Variants in NKAIN2 observed in about 807,000 individuals in gnomAD.
The protein encoded by NKAIN2 is sodium/potassium-transporting ATPase subunit beta-1-interacting protein 2.
A neutral mutation model predicts 32.6 loss-of-function variants in NKAIN2; 14 were observed. That is an observed-to-expected ratio of 0.43 (90% CI 0.28 to 0.67). The LOEUF is 0.67. NKAIN2 is among the 30% of genes least tolerant of loss of function. The pLI is 0.17. For missense variants in NKAIN2, 198 were observed against 258.3 expected, an observed-to-expected ratio of 0.77 and a Z score of 1.60; for synonymous variants, 80 against 87.2, an observed-to-expected ratio of 0.92 and a Z score of 0.46.
intron 1 of NKAIN2, among the ~76,000 whole-genome samples, chr6:123,982,297 G>A (rs139963543): frequency 5.3e-5 from 8 of 152,224 alleles, no homozygotes; most frequent in African/African-American, 1.4e-4. Context: ...TACTATAATA[G>A]ACTTAACACA....
intron 1 of NKAIN2, among the ~76,000 whole-genome samples, chr6:123,981,398 C>G (rs12190776): frequency 0.24 from 36,906 of 152,032 alleles, 4,837 homozygotes; most frequent in Non-Finnish European, 0.3. Context: ...ACCTTTCAGA[C>G]GAGGAAAAAC....
chr6:124,331,566 G>A lies in NKAIN2; in HGVS notation c.193-23701G>A, dbSNP rs1387628505. On this transcript the variant is annotated intron_variant, in intron 2 of 6. Transcript: ENST00000368417. ...AAAAAAAAAATCATTTCCCTGTGAA[G>A]ATGACACTATTAAAGTACCAATAAT... Among the ~76,000 whole-genome samples, 3 of 148,882 alleles carry A rather than the reference G, an allele frequency of 2.0e-5. No individual in the cohort carries two copies. The East Asian group carries it at 5.9e-4, about 29-fold the overall frequency.
chr6:124,350,118 T>C (rs889631478), intron 2 of NKAIN2, among the ~76,000 whole-genome samples: 2 of 152,216 alleles, frequency 1.3e-5, no homozygotes, highest in African/African-American at 4.8e-5. Flanking sequence ...CTAGCAATTG[T>C]GATACTTTAT....
chr6:123,980,175 C>A (rs1303003666), intron 1 of NKAIN2, among the ~76,000 whole-genome samples: 24 of 152,134 alleles, frequency 1.6e-4, no homozygotes, highest in Non-Finnish European at 1.0e-4. Flanking sequence ...ATTCTTCTTG[C>A]TAATAATGAC....
chr6:124,647,461 T>C (rs1279259119), intron 3 of NKAIN2, among the ~76,000 whole-genome samples: 1 of 122,426 alleles, frequency 8.2e-6, no homozygotes, highest in Non-Finnish European at 1.6e-5. Context: ...ATTGTGCCAC[T>C]GCACTCCAGC....
intron 1 of NKAIN2, among the ~76,000 whole-genome samples, chr6:124,112,048 A>G: frequency 6.6e-6 from 1 of 152,258 alleles, no homozygotes; most frequent in East Asian, 1.9e-4. Context: ...TTTTCAAAAT[A>G]ATTTTTTCTT....
chr6:124,232,374 C>T (rs1258802264), intron 1 of NKAIN2, among the ~76,000 whole-genome samples: 1 of 152,034 alleles, frequency 6.6e-6, no homozygotes, highest in African/African-American at 2.4e-5. Context: ...TTAAAGGAAA[C>T]AGAGAGAGAA....
intron 3 of NKAIN2, among the ~76,000 whole-genome samples, chr6:124,451,462 TTTC>T (rs1776104349): frequency 6.6e-6 from 1 of 152,182 alleles, no homozygotes. Flanking sequence ...ACTCCTCTGA[TTTC>T]AAAGGAGTGG....
chr6:124,171,434 C>T (rs897851680), intron 1 of NKAIN2, among the ~76,000 whole-genome samples: 1 of 151,574 alleles, frequency 6.6e-6, no homozygotes, highest in African/African-American at 2.4e-5. Flanking sequence ...CGGATCCATT[C>T]TGGAATAATT....
chr6:124,779,012 T>A (rs1430233558), intron 4 of NKAIN2, among the ~76,000 whole-genome samples: 2 of 152,046 alleles, frequency 1.3e-5, no homozygotes, highest in African/African-American at 4.8e-5. Context: ...ATAAACGAGA[T>A]GAAATATATT....
chr6:124,631,012 A>ATGAT (rs1369222772), intron 3 of NKAIN2, among the ~76,000 whole-genome samples: 2 of 152,208 alleles, frequency 1.3e-5, no homozygotes, highest in African/African-American at 4.8e-5. Flanking sequence ...AAATTTTCTA[A>ATGAT]TGATTAATGC....
intron 6 of NKAIN2, among the ~76,000 whole-genome samples, chr6:124,821,159 G>T (rs1411675788): frequency 6.6e-6 from 1 of 152,074 alleles, no homozygotes; most frequent in African/African-American, 2.4e-5. Context: ...GCCAGGCATG[G>T]TGGTGCACGC....
intron 3 of NKAIN2, among the ~76,000 whole-genome samples, chr6:124,525,397 C>T (rs904316387): frequency 9.9e-5 from 15 of 151,836 alleles, no homozygotes; most frequent in Non-Finnish European, 1.8e-4. Flanking sequence ...GCAGTACTTG[C>T]GATTTTCATG....
intron 4 of NKAIN2, among the ~76,000 whole-genome samples, chr6:124,772,947 A>G (rs1478074904): frequency 6.6e-6 from 1 of 152,174 alleles, no homozygotes; most frequent in African/African-American, 2.4e-5. Context: ...ACAAGCACAC[A>G]TATCCCCTGA....
intron 3 of NKAIN2, among the ~76,000 whole-genome samples, chr6:124,489,710 C>T (rs572911343): frequency 1.3e-4 from 19 of 151,908 alleles, no homozygotes; most frequent in African/African-American, 4.1e-4. Context: ...TGCTTTTGCA[C>T]CATCATGAAG....
chr6:124,355,265 A>G lies in NKAIN2; in HGVS notation c.193-2A>G. On this transcript the variant is annotated splice_acceptor_variant, in intron 2 of 6. Transcript: ENST00000368417. LOFTEE classifies it high-confidence loss of function. ...CGTTATTTCTCTCTTGCTTCTCTACAGTATGCTGTCTGGCTAGTCCTCTGG... is the reference window on the plus strand; with the variant it reads ...CGTTATTTCTCTCTTGCTTCTCTACGGTATGCTGTCTGGCTAGTCCTCTGG... 1 of 1,585,592 alleles carries G rather than the reference A, an allele frequency of 6.3e-7. No individual in the cohort carries two copies. Among genetic ancestry groups the G allele is most frequent in the Non-Finnish European group, 8.7e-7 (1 of 1,154,324 alleles).
intron 1 of NKAIN2, among the ~76,000 whole-genome samples, chr6:124,183,827 T>C (rs376369833): frequency 3.3e-5 from 5 of 152,292 alleles, no homozygotes; most frequent in South Asian, 4.1e-4. Flanking sequence ...TGTTACTTTT[T>C]TGAGATTGAA....
At chr6:124,023,212 A>G (rs1482161051) in intron 1 of NKAIN2, among the ~76,000 whole-genome samples, 1 of 151,780 alleles carries the variant, frequency 6.6e-6, no homozygotes, top group Non-Finnish European at 1.5e-5. Flanking sequence ...GATTAAACAC[A>G]CACACACACG....
intron 3 of NKAIN2, among the ~76,000 whole-genome samples, chr6:124,631,036 A>AT (rs915839778): frequency 6.6e-6 from 1 of 152,202 alleles, no homozygotes. Context: ...AATTGCTTGA[A>AT]TTTTTTGTAG....
Sources: gnomAD v4.1 joint callset for allele counts (sites outside exome capture counted in the v4.1 genomes callset) on GRCh38, gnomAD v4.1.1 for gene constraint, MANE v1.5 for transcripts, NCBI Gene and HGNC (gene_info 2026-07-23, HGNC 2026-07-21) for gene names.